Variants in CEACAM16 observed in about 807,000 individuals in gnomAD.
CEACAM16 encodes the protein cell adhesion molecule CEACAM16.
Under a neutral mutation model 39.4 loss-of-function variants are expected in CEACAM16, and 30 were observed. The observed-to-expected ratio is 0.76, with a 90% CI of 0.57 to 1.03. The LOEUF is 1.03. CEACAM16 is among the 50% of genes least tolerant of loss of function. CEACAM16 has a pLI of 0.00. For missense variants in CEACAM16, 521 were observed against 585.3 expected (o/e 0.89, Z 1.13); for synonymous variants, 262 against 264.9 (o/e 0.99, Z 0.11).
At chr19:44,706,011 C>T (rs549651260) in intron 5 of CEACAM16, 143 bp downstream of exon 5, 2 of 1,017,612 alleles carry the variant, frequency 2.0e-6, no homozygotes, top group East Asian at 4.9e-5. Context: ...AGTGGCATAT[C>T]AGGCAGATCT....
Position 44,701,545 on chromosome 19 carries a change from A to C in CEACAM16, c.37+52A>C. 6.6e-7 allele frequency: 1 copy of C among 1,521,606 alleles called. No individual in the cohort carries two copies. Among genetic ancestry groups the C allele is most frequent in the Non-Finnish European group, 8.9e-7 (1 of 1,122,338 alleles). The allele number at this position is 1,521,606 out of a possible 1,614,324, so 94.3% of individuals were successfully genotyped here. ...CCTCAGCCCCCCGAGGACCCCAGGG[A>C]GGGGAGGGGACCCCCAGTCTGAGAG... is the stretch of plus-strand genomic sequence containing the variant. On this transcript the variant is annotated intron_variant, in intron 2 of 6. Coordinates refer to ENST00000587331, the MANE Select transcript of CEACAM16 (RefSeq NM_001039213.4). The surrounding 1 kb of genome is among the most constrained non-coding windows in gnomAD (Gnocchi z 4.0).
chr19:44,704,257 A>G lies in CEACAM16; in HGVS notation c.622A>G (p.Ser208Gly), dbSNP rs1282738576. Residue 208 changes from serine (S) to glycine (G), a missense_variant, in exon 4 of 7, where the codon AGT becomes GGT. Transcript: ENST00000587331. ...TCAGTGTGAGGTGTGGAACCCGGTC[A>G]GTGTCAGCCGCAGCGAGCCCATCAA... is the stretch of plus-strand genomic sequence containing the variant. ...AYQCEVWNPV[S>G]VSRSEPINLT... The G allele has an allele frequency of 4.6e-6, 7 of 1,536,128 alleles. No individual in the cohort carries two copies. Among genetic ancestry groups the G allele is most frequent in the Non-Finnish European group, 5.3e-6 (6 of 1,138,632 alleles).
At chr19:44,706,297 C>CACACACACACACACACACACACACACAT (rs1441436923) in intron 5 of CEACAM16, among the ~76,000 whole-genome samples, 3 of 125,082 alleles carry the variant, frequency 2.4e-5, no homozygotes, top group Non-Finnish European at 5.1e-5. Context: ...CACACACACA[C>CACACACACACACACACACACACACACAT]ACACACACAC....
intron 6 of CEACAM16, among the ~76,000 whole-genome samples, chr19:44,709,517 C>T (rs1411925744): frequency 7.9e-6 from 1 of 126,378 alleles, no homozygotes. Context: ...AGTCAGGGAC[C>T]ATGTCTCCTC....
In CEACAM16 at chr19:44,700,322, G is replaced by A. The variant is rs900609518; in HGVS notation, c.-96-1039G>A. ...ACCCAGCTAACTTATATTTTTAATAGAGACGGGGTTTCGCCATGTTGGTCA... is the reference window on the plus strand; with the variant it reads ...ACCCAGCTAACTTATATTTTTAATAAAGACGGGGTTTCGCCATGTTGGTCA... On this transcript the variant is annotated intron_variant, in intron 1 of 6. Coordinates refer to ENST00000587331, the MANE Select transcript of CEACAM16 (RefSeq NM_001039213.4). 3.3e-5 allele frequency among the ~76,000 whole-genome samples: 5 copies of A among 152,242 alleles called. No individual in the cohort carries two copies. In the South Asian group the frequency reaches 1.0e-3, roughly 32 times the overall value.
At chr19:44,706,880 C>T (rs1297835211) in intron 5 of CEACAM16, among the ~76,000 whole-genome samples, 1 of 152,216 alleles carries the variant, frequency 6.6e-6, no homozygotes, top group African/African-American at 2.4e-5. Context: ...AAAGGAGACG[C>T]CACCCTCCCT....
intron 1 of CEACAM16, among the ~76,000 whole-genome samples, chr19:44,700,734 T>G (rs1226109952): frequency 6.6e-6 from 1 of 152,130 alleles, no homozygotes; most frequent in African/African-American, 2.4e-5. Context: ...AAACAAGGCC[T>G]CCGAAGTGGG....
chr19:44,703,574 GC>G lies in CEACAM16; in HGVS notation c.267del (p.Asp90MetfsTer128). 1 of 1,610,644 alleles carries G rather than the reference GC, an allele frequency of 6.2e-7. No individual in the cohort carries two copies. Among genetic ancestry groups the G allele is most frequent in the Non-Finnish European group, 8.5e-7 (1 of 1,179,020 alleles). ...GCCCACACGGGGCGGGAGGCTGTGCGCCCCGATGGCAGCCTGGACATCCAGG... is the reference window on the plus strand; with the variant it reads ...GCCCACACGGGGCGGGAGGCTGTGCGCCCGATGGCAGCCTGGACATCCAGG... ...GPAHTGREAV[R>X]PDGSLDIQGI... On this transcript the variant is annotated frameshift_variant, in exon 3 of 7. Transcript: ENST00000587331. LOFTEE classifies it high-confidence loss of function.
intron 1 of CEACAM16, chr19:44,699,582 G>A (rs1354643323): frequency 2.7e-6 from 1 of 369,122 alleles, no homozygotes; most frequent in Non-Finnish European, 5.3e-6. Context: ...TCACCATGCT[G>A]GCCAGGCTGG....
intron 2 of CEACAM16, among the ~76,000 whole-genome samples, chr19:44,702,958 G>A (rs571660635): frequency 1.3e-5 from 2 of 152,232 alleles, no homozygotes; most frequent in South Asian, 2.1e-4. Flanking sequence ...TCCCTCCCTC[G>A]GACTGAGTCC....
intron 6 of CEACAM16, among the ~76,000 whole-genome samples, chr19:44,709,920 C>T (rs920655479): frequency 9.2e-5 from 14 of 152,344 alleles, no homozygotes; most frequent in Admixed American, 4.6e-4. Flanking sequence ...AGACTGGGAG[C>T]TCCCAGAGTC....
intron 4 of CEACAM16, 67 bp from the exon 5 acceptor site, chr19:44,705,523 C>T: frequency 6.7e-7 from 1 of 1,495,812 alleles, no homozygotes; most frequent in Non-Finnish European, 9.0e-7. Context: ...GGAGAGAAAA[C>T]CAGGGGTACC....
intron 2 of CEACAM16, 84 bp from the exon 3 acceptor site, chr19:44,703,264 GC>G (rs1974378524): frequency 1.6e-6 from 2 of 1,281,502 alleles, no homozygotes; most frequent in Non-Finnish European, 2.2e-6. Context: ...CTGGGGACAT[GC>G]CCCGAGCCTG....
At chr19:44,704,495 C>T (rs1176174366) in intron 4 of CEACAM16, among the ~76,000 whole-genome samples, 199 bp downstream of exon 4, 1 of 152,170 alleles carries the variant, frequency 6.6e-6, no homozygotes. Flanking sequence ...CTCTGGGGGG[C>T]CTAGGCGGGA....
At chr19:44,702,844 C>T (rs549623431) in intron 2 of CEACAM16, among the ~76,000 whole-genome samples, 7 of 152,318 alleles carry the variant, frequency 4.6e-5, no homozygotes, top group East Asian at 1.9e-4. Flanking sequence ...GGCTTAAAGC[C>T]GCAGGTCCTG....
chr19:44,706,728 G>A (rs937149005), intron 5 of CEACAM16, among the ~76,000 whole-genome samples: 5 of 152,168 alleles, frequency 3.3e-5, no homozygotes, highest in Non-Finnish European at 5.9e-5. Flanking sequence ...GACCTCAGGC[G>A]CCACCCCAAG....
chr19:44,704,252 C>T lies in CEACAM16; in HGVS notation c.617C>T (p.Pro206Leu), dbSNP rs780851450. 38 of 1,539,480 alleles carry T rather than the reference C, an allele frequency of 2.5e-5. No homozygotes were observed. The highest frequency in any genetic ancestry group is 1.8e-4 in the Admixed American group (9 of 50,678). The change falls in exon 4 of 7, where the codon CCG becomes CTG. Residue 206 changes from proline (P) to leucine (L), a missense_variant. Pro to Leu is a moderately conservative substitution (Grantham distance 98). Coordinates refer to ENST00000587331, the MANE Select transcript of CEACAM16 (RefSeq NM_001039213.4). ...AGAYQCEVWN[P>L]VSVSRSEPIN... Reference sequence around the variant, plus strand: ...GCCTATCAGTGTGAGGTGTGGAACCCGGTCAGTGTCAGCCGCAGCGAGCCC... The same window carrying T: ...GCCTATCAGTGTGAGGTGTGGAACCTGGTCAGTGTCAGCCGCAGCGAGCCC...
In CEACAM16 at chr19:44,704,014, A is replaced by C; in HGVS notation, c.383-4A>C. The stretch of plus-strand genomic sequence containing the variant: ...CCCTCCCCCTCTGTCTCTTGCCCCC[A>C]CAGAGATCCTGGCCCAGCCCACAGT... On this transcript the variant is annotated splice_region_variant and splice_polypyrimidine_tract_variant and intron_variant, in intron 3 of 6. Coordinates refer to ENST00000587331, the MANE Select transcript of CEACAM16 (RefSeq NM_001039213.4). 1 of 1,584,262 alleles carries C rather than the reference A, an allele frequency of 6.3e-7. No homozygotes were observed. Among genetic ancestry groups the C allele is most frequent in the East Asian group, 2.3e-5 (1 of 44,146 alleles).
chr19:44,704,375 C>T (rs1568527662), intron 4 of CEACAM16, 79 bp downstream of exon 4: 2 of 1,418,882 alleles, frequency 1.4e-6, no homozygotes, highest in Non-Finnish European at 1.8e-6. Flanking sequence ...GAGAGGGGGC[C>T]TAAGGGCACA....
Sources: gnomAD v4.1 joint callset for allele counts (sites outside exome capture counted in the v4.1 genomes callset) on GRCh38, gnomAD v4.1.1 for gene constraint, Gnocchi (gnomAD v3.1) non-coding constraint, MANE v1.5 for transcripts, NCBI Gene and HGNC (gene_info 2026-07-23, HGNC 2026-07-21) for gene names.